FNIP1: variants seen among roughly 807,000 people sequenced by gnomAD.
FNIP1 encodes the protein folliculin interacting protein 1, also known as folliculin-interacting protein 1.
In FNIP1, 40 loss-of-function variants were observed where a neutral mutation model predicts 124.5. The observed-to-expected ratio is 0.32, with a 90% confidence interval of 0.25 to 0.42. The LOEUF is 0.42. FNIP1 is among the 10% of genes least tolerant of loss of function. The pLI is 1.00. For synonymous variants in FNIP1, 472 were observed against 470.6 expected, an observed-to-expected ratio of 1.00 and a Z score of -0.04; for missense variants, 1,176 against 1,403.7, an observed-to-expected ratio of 0.84 and a Z score of 2.59.
intron 3 of FNIP1, among the ~76,000 whole-genome samples, chr5:131,724,982 G>C (rs775469654): frequency 2.0e-5 from 3 of 152,140 alleles, no homozygotes; most frequent in Non-Finnish European, 2.9e-5. Context: ...GCTTGTTTTT[G>C]TCAGGTTTGT....
intron 6 of FNIP1, among the ~76,000 whole-genome samples, chr5:131,714,630 C>G (rs566536518): frequency 6.6e-6 from 1 of 152,278 alleles, no homozygotes; most frequent in Admixed American, 6.5e-5. Context: ...ACTCTATGAT[C>G]TCTTACCCCT....
At chr5:131,731,469 C>T (rs1452759232) in intron 2 of FNIP1, among the ~76,000 whole-genome samples, 2 of 152,030 alleles carry the variant, frequency 1.3e-5, no homozygotes, top group Non-Finnish European at 2.9e-5. Context: ...GCCCGACCAA[C>T]AGGGAGAAAC....
At chr5:131,662,575 G>A (rs1767472623) in intron 15 of FNIP1, among the ~76,000 whole-genome samples, 1 of 152,144 alleles carries the variant, frequency 6.6e-6, no homozygotes, top group African/African-American at 2.4e-5. Context: ...ACAGTGGTGG[G>A]TGGCTTGGGT....
chr5:131,783,491 G>C (rs1772064515), intron 1 of FNIP1, among the ~76,000 whole-genome samples: 1 of 151,788 alleles, frequency 6.6e-6, no homozygotes, highest in African/African-American at 2.4e-5. Flanking sequence ...ATCAATACGG[G>C]AGACTGTCCC....
chr5:131,697,439 T>C (rs1279763658), intron 11 of FNIP1, among the ~76,000 whole-genome samples: 1 of 152,208 alleles, frequency 6.6e-6, no homozygotes, highest in Non-Finnish European at 1.5e-5. Flanking sequence ...TACATATTTT[T>C]AATTTTAGTT....
At chr5:131,647,416 C>CT (rs10625130) in intron 16 of FNIP1, among the ~76,000 whole-genome samples, 2,132 of 146,780 alleles carry the variant, frequency 0.015, 34 homozygotes, top group African/African-American at 0.039. Context: ...TCTACAGCGT[C>CT]TTTTTTTTTT....
chr5:131,744,762 G>A (rs1770619800), intron 1 of FNIP1, 72 bp from the exon 2 acceptor site: 2 of 1,260,182 alleles, frequency 1.6e-6, no homozygotes, highest in Non-Finnish European at 2.1e-6. Flanking sequence ...TACATTATTA[G>A]AAATAAATCT....
chr5:131,785,050 TATATATATCATATATATG>T (rs1772131360), intron 1 of FNIP1, among the ~76,000 whole-genome samples: 10 of 116,480 alleles, frequency 8.6e-5, no homozygotes, highest in Non-Finnish European at 1.3e-4. Context: ...TATATATGAC[TATATATATCATATATATG>T]ATATATATGA....
At chr5:131,783,399 G>T (rs1365524693) in intron 1 of FNIP1, among the ~76,000 whole-genome samples, 1 of 149,428 alleles carries the variant, frequency 6.7e-6, no homozygotes, top group Admixed American at 6.7e-5. Flanking sequence ...AAATCTCCTA[G>T]AAGTAGAATA....
At chr5:131,727,783 T>G (rs143702962) in intron 3 of FNIP1, among the ~76,000 whole-genome samples, 173 of 152,342 alleles carry the variant, frequency 1.1e-3, no homozygotes, top group African/African-American at 4.1e-3. Flanking sequence ...CAACAGTGTT[T>G]ACAATTTCAT....
At chr5:131,764,887 T>C (rs767488341) in intron 1 of FNIP1, among the ~76,000 whole-genome samples, 2 of 152,032 alleles carry the variant, frequency 1.3e-5, no homozygotes, top group Non-Finnish European at 2.9e-5. Flanking sequence ...CTTGGTGAAA[T>C]TAAAACTTCC....
At chr5:131,647,262 A>G in intron 16 of FNIP1, 57 bp from the exon 17 acceptor site, 2 of 1,232,996 alleles carry the variant, frequency 1.6e-6, no homozygotes, top group South Asian at 2.4e-5. Flanking sequence ...ACTCTCAGTC[A>G]TGGCAAACTC....
chr5:131,707,517 A>G (rs143787965), intron 8 of FNIP1, among the ~76,000 whole-genome samples: 109 of 152,332 alleles, frequency 7.2e-4, no homozygotes, highest in Middle Eastern at 3.4e-3. Flanking sequence ...GACAAATTCA[A>G]TGATAGAGGA....
intron 17 of FNIP1, among the ~76,000 whole-genome samples, chr5:131,646,836 C>T (rs189644530): frequency 1.3e-5 from 2 of 152,198 alleles, no homozygotes; most frequent in African/African-American, 2.4e-5. Flanking sequence ...GTTTCTGAGA[C>T]AAAAATTCAG....
At chr5:131,783,462 A>G (rs989421350) in intron 1 of FNIP1, among the ~76,000 whole-genome samples, 2 of 152,046 alleles carry the variant, frequency 1.3e-5, no homozygotes, top group Non-Finnish European at 2.9e-5. Context: ...CCAAAAAAAA[A>G]AAACAAGAAA....
chr5:131,748,141 G>A (rs1031701347), intron 1 of FNIP1, among the ~76,000 whole-genome samples: 1 of 152,018 alleles, frequency 6.6e-6, no homozygotes, highest in African/African-American at 2.4e-5. Context: ...GAGAATAGCA[G>A]TTGTTGGGAA....
At chr5:131,670,682 A>G in intron 14 of FNIP1, 51 bp from the exon 15 acceptor site, 1 of 1,336,604 alleles carries the variant, frequency 7.5e-7, no homozygotes, top group South Asian at 1.7e-5. Flanking sequence ...AAATATATTT[A>G]ACCAGTAAAA....
At chr5:131,675,832 T>A (rs1767893095) in intron 13 of FNIP1, among the ~76,000 whole-genome samples, 1 of 152,126 alleles carries the variant, frequency 6.6e-6, no homozygotes, top group Non-Finnish European at 1.5e-5. Flanking sequence ...GTGGTGATGG[T>A]TTCAGAGGCA....
chr5:131,744,764 A>G, intron 1 of FNIP1, 74 bp from the exon 2 acceptor site: 1 of 1,256,160 alleles, frequency 8.0e-7, no homozygotes. Context: ...CATTATTAGA[A>G]ATAAATCTAT....
Sources: gnomAD v4.1 joint callset for allele counts (sites outside exome capture counted in the v4.1 genomes callset) on GRCh38, gnomAD v4.1.1 for gene constraint, MANE v1.5 for transcripts, NCBI Gene and HGNC (gene_info 2026-07-23, HGNC 2026-07-21) for gene names.